Variants in NHS observed in about 807,000 individuals in gnomAD.
NHS encodes the protein NHS actin remodeling regulator.
In NHS, 5 loss-of-function variants were observed where a neutral mutation model predicts 72.5. That is an observed-to-expected ratio of 0.07 (90% CI 0.04 to 0.14). NHS has a LOEUF of 0.14. Ranked by LOEUF, NHS falls within the 10% of genes least tolerant of loss-of-function variation. The pLI, the probability that NHS is intolerant of heterozygous loss-of-function variation, is 1.00. For synonymous variants in NHS, 464 were observed against 547.7 expected (o/e 0.85, Z 2.13); for missense variants, 1,072 against 1,355.7 (o/e 0.79, Z 3.29).
chrX:17,494,724 G>T (rs1046628779), intron 1 of NHS, among the ~76,000 whole-genome samples: 8 of 112,534 alleles, frequency 7.1e-5, no homozygotes, highest in African/African-American at 2.6e-4. Context: ...TGAGAACTGG[G>T]GGTCCTTGAT....
intron 1 of NHS, among the ~76,000 whole-genome samples, chrX:17,489,906 G>T (rs776312083): frequency 8.9e-6 from 1 of 111,961 alleles, no homozygotes; most frequent in African/African-American, 3.2e-5. Context: ...TAATATGTTT[G>T]TTGGCCGTAT....
intron 1 of NHS, chrX:17,635,458 CGCCGT>C: frequency 8.6e-7 from 1 of 1,166,277 alleles, no homozygotes; most frequent in South Asian, 1.9e-5. Flanking sequence ...CCATCCCCCC[CGCCGT>C]GCTTGCTGAC....
At chrX:17,666,792 C>T (rs760005929) in intron 1 of NHS, among the ~76,000 whole-genome samples, 1 of 112,317 alleles carries the variant, frequency 8.9e-6, no homozygotes, top group Non-Finnish European at 1.9e-5. Context: ...CTTCCTTACA[C>T]AAAGTCTGGT....
intron 1 of NHS, among the ~76,000 whole-genome samples, chrX:17,513,799 A>G (rs1406089267): frequency 1.8e-5 from 2 of 112,408 alleles, no homozygotes; most frequent in African/African-American, 3.2e-5. Context: ...GCCAGGTGTG[A>G]TGGTTAATAT....
intron 1 of NHS, among the ~76,000 whole-genome samples, chrX:17,593,869 G>GTGGATGGA (rs932264895): frequency 4.3e-4 from 48 of 111,963 alleles, no homozygotes; most frequent in African/African-American, 1.5e-3. Flanking sequence ...GGGAAAGTAG[G>GTGGATGGA]TGGATGGATG....
intron 3 of NHS, among the ~76,000 whole-genome samples, chrX:17,709,689 T>C: frequency 9.0e-6 from 1 of 111,512 alleles, no homozygotes; most frequent in East Asian, 2.8e-4. Context: ...TTGGAGTTAT[T>C]GGAGCAGCCT....
chrX:17,655,441 G>A (rs766370330), intron 1 of NHS, among the ~76,000 whole-genome samples: 99 of 112,795 alleles, frequency 8.8e-4, no homozygotes, highest in African/African-American at 3.0e-3. Flanking sequence ...GCTTGTCTAA[G>A]CTCACAGGCC....
intron 1 of NHS, among the ~76,000 whole-genome samples, chrX:17,482,936 T>A (rs1223340567): frequency 3.6e-5 from 4 of 112,468 alleles, no homozygotes; most frequent in African/African-American, 1.3e-4. Context: ...GGAGACATTT[T>A]GATCAGTGGC....
chrX:17,723,847 G>A (rs1315925350), intron 5 of NHS, among the ~76,000 whole-genome samples: 3 of 107,379 alleles, frequency 2.8e-5, no homozygotes, highest in East Asian at 6.1e-4. Flanking sequence ...TCACAAAGAC[G>A]GCTTTTAATG....
At chrX:17,654,121 A>T (rs763862435) in intron 1 of NHS, among the ~76,000 whole-genome samples, 1 of 111,969 alleles carries the variant, frequency 8.9e-6, no homozygotes, top group African/African-American at 3.3e-5. Flanking sequence ...ATTTGACATT[A>T]TAAATCACCC....
chrX:17,527,854 G>C (rs1316816903), intron 1 of NHS, among the ~76,000 whole-genome samples: 1 of 111,353 alleles, frequency 9.0e-6, no homozygotes, highest in Non-Finnish European at 1.9e-5. Flanking sequence ...GCCTGTAAAA[G>C]CGCTGCTCCC....
intron 2 of NHS, among the ~76,000 whole-genome samples, chrX:17,689,004 C>G (rs1326872775): frequency 8.9e-6 from 1 of 111,895 alleles, no homozygotes; most frequent in Non-Finnish European, 1.9e-5. Flanking sequence ...CTTCCAAATT[C>G]CCTACACTCT....
chrX:17,541,082 T>TA (rs60858283), intron 1 of NHS, among the ~76,000 whole-genome samples: 12 of 109,760 alleles, frequency 1.1e-4, no homozygotes, highest in African/African-American at 3.0e-4. Flanking sequence ...AAAAGTAAAT[T>TA]AAAAAAAAAA....
At chrX:17,711,396 A>C (rs2066328508) in intron 3 of NHS, among the ~76,000 whole-genome samples, 1 of 112,222 alleles carries the variant, frequency 8.9e-6, no homozygotes, top group African/African-American at 3.2e-5. Flanking sequence ...TTTTCCATTC[A>C]TGTGGGGACT....
chrX:17,431,275 A>G (rs889425622), intron 1 of NHS, among the ~76,000 whole-genome samples: 1 of 111,097 alleles, frequency 9.0e-6, no homozygotes, highest in Non-Finnish European at 1.9e-5. Context: ...AGGATTTTTT[A>G]TTTTTAACCT....
At chrX:17,406,652 A>C (rs1445996059) in intron 1 of NHS, among the ~76,000 whole-genome samples, 1 of 111,788 alleles carries the variant, frequency 8.9e-6, no homozygotes, top group Non-Finnish European at 1.9e-5. Flanking sequence ...AACACCACGG[A>C]GCTAGGATGT....
intron 1 of NHS, among the ~76,000 whole-genome samples, chrX:17,496,996 C>T (rs2065015823): frequency 8.9e-6 from 1 of 111,948 alleles, no homozygotes; most frequent in African/African-American, 3.3e-5. Flanking sequence ...AGCAGTTTTG[C>T]AAACTTTTAT....
chrX:17,548,882 G>A (rs2065309930), intron 1 of NHS, among the ~76,000 whole-genome samples: 1 of 111,096 alleles, frequency 9.0e-6, no homozygotes, highest in African/African-American at 3.3e-5. Context: ...GGTGAACGTT[G>A]AATCAAGACA....
At chrX:17,443,407 C>T (rs949963758) in intron 1 of NHS, among the ~76,000 whole-genome samples, 1 of 111,642 alleles carries the variant, frequency 9.0e-6, no homozygotes, top group African/African-American at 3.3e-5. Flanking sequence ...GAGCCCTGTC[C>T]TCTCCCCATA....
Sources: allele counts gnomAD v4.1 joint callset (sites outside exome capture counted in the v4.1 genomes callset), GRCh38; gene constraint gnomAD v4.1.1; transcripts MANE v1.5; gene names NCBI Gene and HGNC (gene_info 2026-07-23, HGNC 2026-07-21).